Variants in NPAS3 observed in about 807,000 individuals in gnomAD.
NPAS3 encodes neuronal PAS domain-containing protein 3.
In NPAS3, 14 loss-of-function variants were observed where a neutral mutation model predicts 73.1. The ratio of observed to expected loss-of-function variants is 0.19; its 90% CI spans 0.13 to 0.30. The LOEUF (loss-of-function observed/expected upper bound fraction) is 0.30. Among genes scored for constraint, NPAS3 ranks in the 10% least tolerant of loss-of-function variants. The pLI, the probability that NPAS3 is intolerant of heterozygous loss-of-function variation, is 1.00. For synonymous variants in NPAS3, 620 were observed against 541.5 expected, an observed-to-expected ratio of 1.14 and a Z score of -2.01; for missense variants, 1,096 against 1,250.0, an observed-to-expected ratio of 0.88 and a Z score of 1.86.
At chr14:33,416,036 C>T (rs941361393) in intron 4 of NPAS3, among the ~76,000 whole-genome samples, 3 of 152,024 alleles carry the variant, frequency 2.0e-5, no homozygotes, top group African/African-American at 2.4e-5. Flanking sequence ...TCTTTGTTCC[C>T]TGCTACATGG....
At chr14:33,746,408 C>G (rs1308075269) in intron 7 of NPAS3, among the ~76,000 whole-genome samples, 1 of 151,398 alleles carries the variant, frequency 6.6e-6, no homozygotes, top group Non-Finnish European at 1.5e-5. Context: ...AGGCTGGTCT[C>G]AAACTCCTGA....
chr14:33,138,065 T>A (rs1256241286), intron 2 of NPAS3, among the ~76,000 whole-genome samples: 1 of 151,902 alleles, frequency 6.6e-6, no homozygotes, highest in Non-Finnish European at 1.5e-5. Flanking sequence ...TTTTTTTTTT[T>A]AATTATACTT....
chr14:33,186,798 A>G (rs1387304230), intron 2 of NPAS3, among the ~76,000 whole-genome samples: 1 of 151,866 alleles, frequency 6.6e-6, no homozygotes, highest in Non-Finnish European at 1.5e-5. Flanking sequence ...CCCTGAGATC[A>G]CTCTAGTGCA....
chr14:33,439,831 T>C (rs1192894029), intron 4 of NPAS3, among the ~76,000 whole-genome samples: 3 of 152,090 alleles, frequency 2.0e-5, no homozygotes, highest in African/African-American at 7.2e-5. Context: ...AATGGAATGT[T>C]ACGGCTGGGC....
At chr14:33,415,710 C>T (rs1002257165) in intron 4 of NPAS3, among the ~76,000 whole-genome samples, 1 of 152,020 alleles carries the variant, frequency 6.6e-6, no homozygotes, top group Non-Finnish European at 1.5e-5. Context: ...ATTCATGGTC[C>T]TACATGTAAA....
chr14:33,059,204 T>C (rs1416697780), intron 2 of NPAS3, among the ~76,000 whole-genome samples: 1 of 152,234 alleles, frequency 6.6e-6, no homozygotes, highest in Non-Finnish European at 1.5e-5. Flanking sequence ...TATAATTCTA[T>C]GGTTTTATAA....
intron 3 of NPAS3, among the ~76,000 whole-genome samples, chr14:33,339,319 G>A (rs147383008): frequency 1.3e-5 from 2 of 152,192 alleles, no homozygotes; most frequent in African/African-American, 4.8e-5. Context: ...AGTTCTGGGG[G>A]TGATCTGTTT....
At chr14:33,162,557 T>C (rs2044937350) in intron 2 of NPAS3, among the ~76,000 whole-genome samples, 1 of 152,186 alleles carries the variant, frequency 6.6e-6, no homozygotes, top group African/African-American at 2.4e-5. Flanking sequence ...CTGGATGCAG[T>C]TGCTATTTCC....
At chr14:33,298,729 C>T (rs1304106348) in intron 3 of NPAS3, among the ~76,000 whole-genome samples, 48 of 151,936 alleles carry the variant, frequency 3.2e-4, no homozygotes, top group Non-Finnish European at 8.8e-5. Context: ...AGGGGAAATT[C>T]GTTTAATAAA....
At chr14:33,146,717 A>AT (rs1566608961) in intron 2 of NPAS3, among the ~76,000 whole-genome samples, 2 of 152,244 alleles carry the variant, frequency 1.3e-5, no homozygotes. Flanking sequence ...ACACCTAAAC[A>AT]TGCCTTAGCT....
chr14:33,397,989 A>C (rs764604296), intron 4 of NPAS3, among the ~76,000 whole-genome samples: 18 of 152,114 alleles, frequency 1.2e-4, no homozygotes, highest in African/African-American at 1.9e-4. Context: ...AGTTCAGCCA[A>C]ACTGATTTAT....
chr14:33,432,431 C>T (rs1238145962), intron 4 of NPAS3, among the ~76,000 whole-genome samples: 1 of 152,158 alleles, frequency 6.6e-6, no homozygotes, highest in Non-Finnish European at 1.5e-5. Flanking sequence ...TTATGAAAAT[C>T]TCATTCACTT....
chr14:33,439,060 C>T (rs2049116885), intron 4 of NPAS3, among the ~76,000 whole-genome samples: 1 of 151,296 alleles, frequency 6.6e-6, no homozygotes, highest in Non-Finnish European at 1.5e-5. Flanking sequence ...ATTAACAAAG[C>T]AATACATAAT....
At chr14:33,458,949 A>G (rs2050136022) in intron 4 of NPAS3, among the ~76,000 whole-genome samples, 1 of 152,188 alleles carries the variant, frequency 6.6e-6, no homozygotes, top group African/African-American at 2.4e-5. Context: ...AAAGTAAAGG[A>G]ATAAAAGAAG....
chr14:33,543,884 T>A (rs2054629487), intron 4 of NPAS3, among the ~76,000 whole-genome samples: 1 of 141,028 alleles, frequency 7.1e-6, no homozygotes, highest in Non-Finnish European at 1.5e-5. Flanking sequence ...CATGGCAGCC[T>A]GAATTTCAGT....
At chr14:33,347,356 C>T (rs1276983763) in intron 3 of NPAS3, among the ~76,000 whole-genome samples, 1 of 152,188 alleles carries the variant, frequency 6.6e-6, no homozygotes, top group Admixed American at 6.5e-5. Flanking sequence ...TCTATTGGCA[C>T]TGTGGGTTGT....
intron 1 of NPAS3, among the ~76,000 whole-genome samples, chr14:33,002,078 C>T (rs920228751): frequency 4.7e-4 from 72 of 152,326 alleles, no homozygotes; most frequent in African/African-American, 1.7e-3. Context: ...AAACCTCACA[C>T]ACAAACACAT....
At chr14:33,134,877 A>G (rs6571582) in intron 2 of NPAS3, among the ~76,000 whole-genome samples, 135,551 of 151,778 alleles carry the variant, frequency 0.89, 61,048 homozygotes, top group Non-Finnish European at 0.94. Context: ...TTTTTCTCAT[A>G]ATATGCTGGT....
chr14:33,235,314 G>A (rs1206648437), intron 3 of NPAS3, among the ~76,000 whole-genome samples: 1 of 152,064 alleles, frequency 6.6e-6, no homozygotes, highest in East Asian at 1.9e-4. Flanking sequence ...TAAATGAGGA[G>A]TGAGAATTTG....
Sources: allele counts gnomAD v4.1 joint callset (sites outside exome capture counted in the v4.1 genomes callset), GRCh38; gene constraint gnomAD v4.1.1; transcripts MANE v1.5; gene names NCBI Gene and HGNC (gene_info 2026-07-23, HGNC 2026-07-21).